PTPRM: variants seen among roughly 807,000 people sequenced by gnomAD.
PTPRM encodes protein tyrosine phosphatase receptor type M, also known as receptor-type tyrosine-protein phosphatase mu.
A neutral mutation model predicts 186.7 loss-of-function variants in PTPRM; 47 were observed. The ratio of observed to expected loss-of-function variants is 0.25; its 90% CI spans 0.20 to 0.32. The LOEUF is 0.32. Among genes scored for constraint, PTPRM ranks in the 10% least tolerant of loss-of-function variants. The pLI, the probability that PTPRM is intolerant of heterozygous loss-of-function variation, is 1.00. For missense variants in PTPRM, 1,494 were observed against 1,865.0 expected (o/e 0.80, Z 3.66); for synonymous variants, 668 against 674.9 (o/e 0.99, Z 0.16).
intron 1 of PTPRM, among the ~76,000 whole-genome samples, chr18:7,722,632 A>G (rs1378486556): frequency 1.4e-5 from 2 of 142,346 alleles, no homozygotes; most frequent in African/African-American, 2.7e-5. Context: ...TGCCAGTGGC[A>G]ACATAAAAAC....
intron 7 of PTPRM, among the ~76,000 whole-genome samples, chr18:8,014,833 A>T (rs1414131615): frequency 1.3e-5 from 2 of 152,156 alleles, no homozygotes; most frequent in Non-Finnish European, 2.9e-5. Context: ...CCTTTGTAAT[A>T]GCTCATTCTT....
chr18:8,317,006 T>A (rs1445514240), intron 21 of PTPRM, among the ~76,000 whole-genome samples: 2 of 152,076 alleles, frequency 1.3e-5, no homozygotes, highest in Non-Finnish European at 2.9e-5. Flanking sequence ...CGGAGTTCCA[T>A]GATATGGGGA....
chr18:8,193,895 A>C (rs1207722381), intron 14 of PTPRM, among the ~76,000 whole-genome samples: 1 of 152,252 alleles, frequency 6.6e-6, no homozygotes, highest in Non-Finnish European at 1.5e-5. Context: ...TGTTTCAGAC[A>C]CACTGGGTCT....
At chr18:8,171,617 G>A (rs2093402181) in intron 14 of PTPRM, among the ~76,000 whole-genome samples, 1 of 152,130 alleles carries the variant, frequency 6.6e-6, no homozygotes, top group Non-Finnish European at 1.5e-5. Context: ...AAAATGGGAG[G>A]CTGGGTCTAG....
At chr18:7,800,818 G>T (rs2043921238) in intron 2 of PTPRM, among the ~76,000 whole-genome samples, 2 of 152,238 alleles carry the variant, frequency 1.3e-5, no homozygotes, top group East Asian at 3.9e-4. Context: ...TTGCTCCTGG[G>T]TTACAAACCT....
intron 1 of PTPRM, among the ~76,000 whole-genome samples, chr18:7,629,525 G>A (rs2038141573): frequency 6.6e-6 from 1 of 152,102 alleles, no homozygotes; most frequent in Non-Finnish European, 1.5e-5. Context: ...TATAACAGAG[G>A]TCACAAATGT....
At position 8,375,905 on chromosome 18, in the gene PTPRM, G is replaced by A. The variant is rs1194828988; in HGVS notation, c.3172-141G>A. ...ACATTGTGTGTGAGATCTAAGGATG[G>A]CCTCTTTCCCCAGCAGTCCACTGTT... On this transcript the variant is annotated intron_variant, in intron 24 of 32. Transcript: ENST00000580170. The A allele has an allele frequency of 1.1e-5, 9 of 837,312 alleles. No individual in the cohort carries two copies. In the East Asian group the frequency reaches 2.0e-4, roughly 18 times the overall value. 51.9% of individuals were successfully genotyped at this position (837,312 alleles called of 1,614,324 possible).
chr18:8,280,482 C>T (rs1327535636), intron 19 of PTPRM, among the ~76,000 whole-genome samples: 2 of 151,930 alleles, frequency 1.3e-5, no homozygotes, highest in Non-Finnish European at 2.9e-5. Context: ...TGAGAGGTCT[C>T]GCAATTTGAG....
chr18:8,043,970 C>A lies in PTPRM; in HGVS notation c.1133-25716C>A, dbSNP rs546528337. On this transcript the variant is annotated intron_variant, in intron 7 of 32. Transcript: ENST00000580170. ...TTTCTACTCTTTGGCAGAGACCGGG[C>A]TTCTGCACCCTCTAAGACTGGGAGT... Among the ~76,000 whole-genome samples, 3 of 152,318 alleles carry A rather than the reference C, an allele frequency of 2.0e-5. No homozygotes were observed. In the East Asian group the frequency reaches 5.8e-4, roughly 29 times the overall value.
At chr18:8,168,463 C>T (rs924324861) in intron 14 of PTPRM, among the ~76,000 whole-genome samples, 1 of 152,088 alleles carries the variant, frequency 6.6e-6, no homozygotes, top group African/African-American at 2.4e-5. Context: ...ACATTTGGAG[C>T]CTGTGATACC....
At chr18:8,326,741 G>A (rs1568753603) in intron 22 of PTPRM, among the ~76,000 whole-genome samples, 1 of 152,112 alleles carries the variant, frequency 6.6e-6, no homozygotes, top group Non-Finnish European at 1.5e-5. Flanking sequence ...TAACTGGCTA[G>A]CCATATGCAG....
chr18:7,834,288 G>A (rs190537355), intron 2 of PTPRM, among the ~76,000 whole-genome samples: 1 of 151,538 alleles, frequency 6.6e-6, no homozygotes, highest in African/African-American at 2.4e-5. Flanking sequence ...ACTTGGTCAT[G>A]ATGAATGATC....
chr18:8,401,205 C>G (rs954825494), intron 32 of PTPRM, among the ~76,000 whole-genome samples: 5 of 152,182 alleles, frequency 3.3e-5, no homozygotes, highest in Non-Finnish European at 4.4e-5. Flanking sequence ...GCTGCCCTCT[C>G]CAACCTAGGG....
At chr18:7,711,623 A>G (rs73391531) in intron 1 of PTPRM, among the ~76,000 whole-genome samples, 10,113 of 152,210 alleles carry the variant, frequency 0.066, 875 homozygotes, top group African/African-American at 0.19. Flanking sequence ...TGAAGTTGAC[A>G]TGGGACACTG....
chr18:8,350,071 C>G (rs564857035), intron 23 of PTPRM, among the ~76,000 whole-genome samples: 1 of 152,294 alleles, frequency 6.6e-6, no homozygotes, highest in East Asian at 1.9e-4. Flanking sequence ...TATGGCCAAA[C>G]TCCCTACCAA....
At chr18:7,627,971 C>T (rs1216710872) in intron 1 of PTPRM, among the ~76,000 whole-genome samples, 1 of 152,082 alleles carries the variant, frequency 6.6e-6, no homozygotes, top group Non-Finnish European at 1.5e-5. Context: ...TATTTGAAAA[C>T]AAAAAGCCAC....
At position 7,628,794 on chromosome 18, in the gene PTPRM, C is replaced by A. The variant is rs118019394; in HGVS notation, c.73+60903C>A. Among the ~76,000 whole-genome samples the A allele has an allele frequency of 7.5e-3, 1,139 of 152,302 alleles. 5 individuals are homozygous for A. Among genetic ancestry groups the A allele is most frequent in the Non-Finnish European group, 0.012 (800 of 68,028 alleles). ...TGCTGGCTTCATGGAGCTCACATTC[C>A]ATTTGTGTACATTTCTATGGAACAG... is the stretch of plus-strand genomic sequence containing the variant. On this transcript the variant is annotated intron_variant, in intron 1 of 32. Coordinates refer to ENST00000580170, the MANE Select transcript of PTPRM (RefSeq NM_001105244.2).
rs139557844 is a variant in PTPRM at position 8,338,578 on chromosome 18, G to T, written c.2957-4845G>T. Among the ~76,000 whole-genome samples, 10 of 152,290 alleles carry T rather than the reference G, an allele frequency of 6.6e-5. No homozygotes were observed. The East Asian group carries it at 1.9e-3, about 29-fold the overall frequency. On this transcript the variant is annotated intron_variant, in intron 22 of 32. Transcript: ENST00000580170. ...AACTCAGCCCTATAGCTCACTAGCT[G>T]TGTGACCTTAGACAGCTTGTTTGAC...
intron 1 of PTPRM, among the ~76,000 whole-genome samples, chr18:7,769,554 T>C (rs2042177163): frequency 6.6e-6 from 1 of 152,202 alleles, no homozygotes; most frequent in South Asian, 2.1e-4. Flanking sequence ...GTACATGAAC[T>C]TAGTGACTTT....
Sources: allele counts gnomAD v4.1 joint callset (sites outside exome capture counted in the v4.1 genomes callset), GRCh38; gene constraint gnomAD v4.1.1; transcripts MANE v1.5; gene names NCBI Gene and HGNC (gene_info 2026-07-23, HGNC 2026-07-21).